Variants in MAP3K13 observed in about 807,000 individuals in gnomAD.
MAP3K13 encodes mitogen-activated protein kinase kinase kinase 13, also known as leucine zipper-bearing kinase.
In MAP3K13, 52 loss-of-function variants were observed where a neutral mutation model predicts 104.0. The ratio of observed to expected loss-of-function variants is 0.50; its 90% confidence interval spans 0.40 to 0.63. The LOEUF (loss-of-function observed/expected upper bound fraction) is 0.63. Ranked by LOEUF, MAP3K13 falls within the 20% of genes least tolerant of loss-of-function variation. MAP3K13 has a pLI of 0.00. For missense variants in MAP3K13, 914 were observed against 1,218.5 expected (o/e 0.75, Z 3.72); for synonymous variants, 394 against 442.2 (o/e 0.89, Z 1.37).
intron 2 of MAP3K13, among the ~76,000 whole-genome samples, chr3:185,297,910 G>T (rs371993449): frequency 6.6e-6 from 1 of 151,332 alleles, no homozygotes; most frequent in Middle Eastern, 3.2e-3. Flanking sequence ...ACAATTAATA[G>T]ATATTGTACA....
chr3:185,450,187 T>C lies in MAP3K13; in HGVS notation c.1169+129T>C. ...GGTTCAAATACTAGCTCTGCCCCTT[T>C]CTATCTGTGCAATTTTGGGCACGTT... On this transcript the variant is annotated intron_variant, in intron 6 of 13. Coordinates refer to ENST00000265026, the MANE Select transcript of MAP3K13 (RefSeq NM_004721.5). The surrounding 1 kb of genome is among the most constrained non-coding windows in gnomAD (Gnocchi z 4.2). 1 of 758,116 alleles carries C rather than the reference T, an allele frequency of 1.3e-6. No individual in the cohort carries two copies. The highest frequency in any genetic ancestry group is 1.9e-6 in the Non-Finnish European group (1 of 521,232). The allele number at this position is 758,116 out of a possible 1,614,324, so 47.0% of individuals were successfully genotyped here.
intron 3 of MAP3K13, among the ~76,000 whole-genome samples, chr3:185,438,451 T>C (rs1357538458): frequency 6.6e-6 from 1 of 152,238 alleles, no homozygotes; most frequent in Non-Finnish European, 1.5e-5. Context: ...CAGGTACCTT[T>C]AGAGTATAGC....
chr3:185,310,091 A>G (rs1721443939), intron 2 of MAP3K13, among the ~76,000 whole-genome samples: 1 of 152,198 alleles, frequency 6.6e-6, no homozygotes, highest in Non-Finnish European at 1.5e-5. Flanking sequence ...CTGAGATTGG[A>G]GCAGGAACAC....
chr3:185,446,401 G>A (rs1393947019), intron 4 of MAP3K13, among the ~76,000 whole-genome samples: 13 of 151,994 alleles, frequency 8.6e-5, no homozygotes, highest in South Asian at 4.2e-4. Flanking sequence ...GACTACAAGC[G>A]CCCGCCACCA....
In MAP3K13 at chr3:185,437,030, AAAT is replaced by A. The variant is rs1560105844; in HGVS notation, c.476-416_476-414del. Among the ~76,000 whole-genome samples, 148 of 116,398 alleles carry A rather than the reference AAAT, an allele frequency of 1.3e-3. 4 individuals carry two copies. Among genetic ancestry groups the A allele is most frequent in the East Asian group, 2.5e-3 (8 of 3,220 alleles). 76.4% of individuals were successfully genotyped at this position (116,398 alleles called of 152,430 possible). Reference sequence around the variant, plus strand: ...AAAAAAAAAAAAAAAAAAAAAAAAAAAATTAGCAAAGATTCACTGAGCATCTGC... The same window carrying A: ...AAAAAAAAAAAAAAAAAAAAAAAAAATAGCAAAGATTCACTGAGCATCTGC... On this transcript the variant is annotated intron_variant, in intron 2 of 13. Coordinates refer to ENST00000265026, the MANE Select transcript of MAP3K13 (RefSeq NM_004721.5).
intron 2 of MAP3K13, among the ~76,000 whole-genome samples, chr3:185,429,375 T>G (rs2377497): frequency 0.31 from 47,438 of 152,170 alleles, 7,755 homozygotes; most frequent in East Asian, 0.54. Context: ...AATTTCTATT[T>G]TCATACATTT....
At chr3:185,362,710 G>A (rs1723679997), upstream of MAP3K13, among the ~76,000 whole-genome samples, 1 of 152,112 alleles carries the variant, frequency 6.6e-6, no homozygotes, top group African/African-American at 2.4e-5. Flanking sequence ...ATGTCCACTA[G>A]TCTGCTAGTT....
chr3:185,468,472 A>G (rs1228885442), intron 10 of MAP3K13, among the ~76,000 whole-genome samples: 1 of 152,188 alleles, frequency 6.6e-6, no homozygotes, highest in Non-Finnish European at 1.5e-5. Context: ...CAAACTCTGT[A>G]GAGACTCATT....
intron 1 of MAP3K13, among the ~76,000 whole-genome samples, chr3:185,392,550 TG>T (rs1307884162): frequency 4.2e-4 from 64 of 152,356 alleles, no homozygotes; most frequent in African/African-American, 1.5e-3. Flanking sequence ...GAAATGAATC[TG>T]ACTGAGAACT....
chr3:185,464,212 C>T (rs143888766), intron 8 of MAP3K13, among the ~76,000 whole-genome samples: 2 of 152,296 alleles, frequency 1.3e-5, no homozygotes, highest in African/African-American at 4.8e-5. Context: ...CACGTGAACC[C>T]AGGAGATGGA....
intron 1 of MAP3K13, among the ~76,000 whole-genome samples, chr3:185,411,101 C>A (rs75872697): frequency 1.3e-5 from 2 of 152,066 alleles, no homozygotes; most frequent in Non-Finnish European, 2.9e-5. Flanking sequence ...GGTAAAAGGG[C>A]CCTTGGTTTT....
At chr3:185,393,141 C>T (rs9837742) in intron 1 of MAP3K13, among the ~76,000 whole-genome samples, 7 of 151,674 alleles carry the variant, frequency 4.6e-5, no homozygotes, top group Non-Finnish European at 1.0e-4. Context: ...GAGAAGTATG[C>T]AAATGTAAGA....
At chr3:185,442,038 CAA>C (rs749288252) in intron 3 of MAP3K13, among the ~76,000 whole-genome samples, 21 of 107,374 alleles carry the variant, frequency 2.0e-4, no homozygotes, top group East Asian at 2.7e-4. Flanking sequence ...GACTCTGTCT[CAA>C]AAAAAAAAAA....
At chr3:185,405,499 T>C (rs1171737859) in intron 1 of MAP3K13, among the ~76,000 whole-genome samples, 1 of 152,232 alleles carries the variant, frequency 6.6e-6, no homozygotes, top group African/African-American at 2.4e-5. Flanking sequence ...TTCCAGACTG[T>C]TTGCTATTCT....
At chr3:185,318,599 A>G (rs1721756641) in intron 2 of MAP3K13, among the ~76,000 whole-genome samples, 2 of 152,288 alleles carry the variant, frequency 1.3e-5, no homozygotes, top group Non-Finnish European at 2.9e-5. Context: ...TTTAGTTTTA[A>G]TTTTAATTAT....
intron 7 of MAP3K13, among the ~76,000 whole-genome samples, chr3:185,461,737 A>G (rs1329440250): frequency 1.3e-5 from 2 of 151,660 alleles, no homozygotes; most frequent in Non-Finnish European, 2.9e-5. Flanking sequence ...TAATTTTTGT[A>G]TTTTTAGTAG....
chr3:185,417,266 G>T (rs1713832697), intron 1 of MAP3K13, among the ~76,000 whole-genome samples: 1 of 152,120 alleles, frequency 6.6e-6, no homozygotes, highest in Non-Finnish European at 1.5e-5. Context: ...AGTTCCTGAA[G>T]ATAATTATTT....
intron 1 of MAP3K13, among the ~76,000 whole-genome samples, chr3:185,425,042 T>G (rs778337366): frequency 1.3e-5 from 2 of 152,226 alleles, no homozygotes; most frequent in Non-Finnish European, 2.9e-5. Context: ...TGTTTGTATT[T>G]TTTGTACTTT....
At chr3:185,451,007 G>A (rs1269104186) in intron 6 of MAP3K13, among the ~76,000 whole-genome samples, 2 of 152,070 alleles carry the variant, frequency 1.3e-5, no homozygotes, top group Admixed American at 6.6e-5. Flanking sequence ...GGAGAATGGC[G>A]TGAACCCAGG....
Sources: gnomAD v4.1 joint callset for allele counts (sites outside exome capture counted in the v4.1 genomes callset) on GRCh38, gnomAD v4.1.1 for gene constraint, Gnocchi (gnomAD v3.1) non-coding constraint, MANE v1.5 for transcripts, NCBI Gene and HGNC (gene_info 2026-07-23, HGNC 2026-07-21) for gene names.